Variants in AAK1 observed in about 807,000 individuals in gnomAD.
The protein encoded by AAK1 is AP2-associated protein kinase 1.
AAK1 carries 37 observed loss-of-function variants against 116.0 expected under a neutral mutation model. The observed-to-expected ratio is 0.32, with a 90% confidence interval of 0.25 to 0.42. The LOEUF (loss-of-function observed/expected upper bound fraction) is 0.42, where lower values mean the gene tolerates loss of function less well. AAK1 is among the 10% of genes least tolerant of loss of function. The pLI is 1.00. For synonymous variants in AAK1, 458 were observed against 439.9 expected (o/e 1.04, Z -0.51); for missense variants, 919 against 1,170.6 (o/e 0.79, Z 3.14).
rs773469113 is a variant in AAK1, at chr2:69,507,584, T to A, written c.2007-6A>T. 1.9e-6 allele frequency: 3 copies of A among 1,601,398 alleles called. No homozygotes were observed. The highest frequency in any genetic ancestry group is 2.6e-6 in the Non-Finnish European group (3 of 1,173,632). On this transcript the variant is annotated splice_region_variant and splice_polypyrimidine_tract_variant and intron_variant, in intron 14 of 21. Coordinates refer to ENST00000409085, the MANE Select transcript of AAK1 (RefSeq NM_014911.5). ...ATGGAGTGGTGGTTGCAGACCTAGG[T>A]AGGTTCCCACCCCCACGAAACAAAA... is the stretch of plus-strand genomic sequence containing the variant.
Position 69,467,761 on chromosome 2 carries a change from A to C in AAK1, c.*8108T>G. On this transcript the variant is annotated 3_prime_UTR_variant, in exon 22 of 22. Coordinates refer to ENST00000409085, the MANE Select transcript of AAK1 (RefSeq NM_014911.5). The stretch of plus-strand genomic sequence containing the variant: ...ATCCCCTGCTAAAGTTTCTGCATGA[A>C]TTAAGCACACAGACCACAGCAGAAG... 2 of 985,456 alleles carry C rather than the reference A, an allele frequency of 2.0e-6. No individual in the cohort carries two copies. The highest frequency in any genetic ancestry group is 2.4e-6 in the Non-Finnish European group (2 of 829,946). The allele number at this position is 985,456 out of a possible 1,614,324, so 61.0% of individuals were successfully genotyped here. A position where few individuals can be genotyped will look rare whatever the true frequency, so the allele number is the denominator to read the frequency against.
intron 4 of AAK1, among the ~76,000 whole-genome samples, chr2:69,543,271 A>C (rs528378375): frequency 1.3e-5 from 2 of 152,342 alleles, no homozygotes; most frequent in Admixed American, 6.5e-5. Flanking sequence ...CCAAAAAGGA[A>C]ATGAGCAGGA....
At chr2:69,517,237 C>A (rs1286048209) in intron 12 of AAK1, among the ~76,000 whole-genome samples, 1 of 152,080 alleles carries the variant, frequency 6.6e-6, no homozygotes, top group Non-Finnish European at 1.5e-5. Flanking sequence ...TTTTTCCTGC[C>A]TTTTCTGTAC....
At chr2:69,598,886 G>T in intron 2 of AAK1, 1 of 299,710 alleles carries the variant, frequency 3.3e-6, no homozygotes, top group Non-Finnish European at 6.7e-6. Flanking sequence ...TGCAGCCCAT[G>T]GCTTTTTTTA....
At chr2:69,585,184 A>C (rs1374616389) in intron 2 of AAK1, among the ~76,000 whole-genome samples, 2 of 152,236 alleles carry the variant, frequency 1.3e-5, no homozygotes, top group African/African-American at 4.8e-5. Context: ...AAAAGGAGAG[A>C]TCTATAATCT....
chr2:69,493,158 C>CAAA lies in AAK1; in HGVS notation c.2365+2824_2365+2826dup, dbSNP rs574490585. Among the ~76,000 whole-genome samples the CAAA allele has an allele frequency of 6.4e-3, 240 of 37,560 alleles. 31 individuals carry two copies. Among genetic ancestry groups the CAAA allele is most frequent in the African/African-American group, 9.8e-3 (131 of 13,410 alleles). 24.6% of individuals were successfully genotyped at this position (37,560 alleles called of 152,430 possible). A position where few individuals can be genotyped will look rare whatever the true frequency, so the allele number is the denominator to read the frequency against. On this transcript the variant is annotated intron_variant, in intron 17 of 21. Transcript: ENST00000409085. ...TGGGCGACAGAGCGAGACTCCGTCT[C>CAAA]AAAAAAAAAAAAAAAAAAAGGATGC...
chr2:69,618,746 C>G (rs943676559), intron 2 of AAK1, among the ~76,000 whole-genome samples: 1 of 152,194 alleles, frequency 6.6e-6, no homozygotes, highest in African/African-American at 2.4e-5. Flanking sequence ...TCCACTTATT[C>G]CTAAACTGCA....
chr2:69,544,058 G>A (rs185382536), intron 4 of AAK1, among the ~76,000 whole-genome samples: 5 of 152,200 alleles, frequency 3.3e-5, no homozygotes, highest in Non-Finnish European at 1.5e-5. Context: ...GAGTGGGAAA[G>A]AGAACACACA....
At chr2:69,500,684 T>TACAC (rs1437839275) in intron 16 of AAK1, among the ~76,000 whole-genome samples, 4 of 109,044 alleles carry the variant, frequency 3.7e-5, no homozygotes, top group Admixed American at 2.9e-4. Context: ...TATATATATA[T>TACAC]ATATATATAT....
intron 5 of AAK1, among the ~76,000 whole-genome samples, chr2:69,536,494 A>G (rs995920045): frequency 6.6e-6 from 1 of 152,198 alleles, no homozygotes; most frequent in Non-Finnish European, 1.5e-5. Context: ...TAGAAACCCA[A>G]CTAGACAGTC....
intron 17 of AAK1, among the ~76,000 whole-genome samples, chr2:69,492,880 A>T (rs2104924585): frequency 6.6e-6 from 1 of 152,036 alleles, no homozygotes; most frequent in Non-Finnish European, 1.5e-5. Context: ...TGTATGCAAA[A>T]CAAAGAAAAT....
In AAK1 at chr2:69,465,691, G is replaced by A. The variant is rs1674463592; in HGVS notation, c.*10178C>T. ...ATGGGGCCTGAGACAGCTTCTTTCT[G>A]GAGCTGAGGTCCTTTGTTTCTGTCA... On this transcript the variant is annotated 3_prime_UTR_variant, in exon 22 of 22. Transcript: ENST00000409085. The A allele has an allele frequency of 7.7e-7, 1 of 1,290,906 alleles. No homozygotes were observed. The highest frequency in any genetic ancestry group is 1.0e-6 in the Non-Finnish European group (1 of 988,872). 80.0% of individuals were successfully genotyped at this position (1,290,906 alleles called of 1,614,324 possible). A position where few individuals can be genotyped will look rare whatever the true frequency, so the allele number is the denominator to read the frequency against.
intron 17 of AAK1, among the ~76,000 whole-genome samples, chr2:69,492,516 T>C (rs1324847075): frequency 1.7e-4 from 18 of 107,864 alleles, no homozygotes; most frequent in African/African-American, 5.9e-4. Context: ...GCCTGGCCAA[T>C]TCTTTTTTTT....
At chr2:69,584,079 T>C (rs879279065) in intron 2 of AAK1, among the ~76,000 whole-genome samples, 1 of 152,216 alleles carries the variant, frequency 6.6e-6, no homozygotes, top group Non-Finnish European at 1.5e-5. Context: ...GAACATCTGC[T>C]TAGGAGCCCT....
At chr2:69,498,969 G>A (rs1427839675) in intron 16 of AAK1, among the ~76,000 whole-genome samples, 1 of 152,232 alleles carries the variant, frequency 6.6e-6, no homozygotes, top group East Asian at 1.9e-4. Flanking sequence ...TGTGGCAGAA[G>A]GGAATGGGGA....
intron 13 of AAK1, among the ~76,000 whole-genome samples, chr2:69,512,310 T>A (rs762833638): frequency 3.3e-5 from 5 of 152,238 alleles, no homozygotes; most frequent in Non-Finnish European, 7.3e-5. Context: ...ACAATCCTTA[T>A]CTTTTTGGTA....
In AAK1 at chr2:69,504,315, T is replaced by C. The variant is rs983112144; in HGVS notation, c.2269+1254A>G. Among the ~76,000 whole-genome samples the C allele has an allele frequency of 2.0e-5, 3 of 148,954 alleles. No homozygotes were observed. The South Asian group carries it at 6.3e-4, about 31-fold the overall frequency. On this transcript the variant is annotated intron_variant, in intron 16 of 21. Transcript: ENST00000409085. Reference sequence around the variant, plus strand: ...GAGAGGCTTGAGGCATGAGAATTGCTTGAACCTGGGAGGCAGAGTTTGCAG... The same window carrying C: ...GAGAGGCTTGAGGCATGAGAATTGCCTGAACCTGGGAGGCAGAGTTTGCAG...
chr2:69,635,877 AT>A (rs1355089275), intron 2 of AAK1, among the ~76,000 whole-genome samples: 1 of 152,258 alleles, frequency 6.6e-6, no homozygotes, highest in African/African-American at 2.4e-5. Flanking sequence ...ATGGTTGCAT[AT>A]TATGAATATA....
At chr2:69,594,794 G>A in intron 2 of AAK1, 1 of 1,228,108 alleles carries the variant, frequency 8.1e-7, no homozygotes, top group Non-Finnish European at 1.2e-6. Flanking sequence ...AGTTCAGAAT[G>A]CTTGCCTCTT....
Sources: allele counts gnomAD v4.1 joint callset (sites outside exome capture counted in the v4.1 genomes callset), GRCh38; gene constraint gnomAD v4.1.1; transcripts MANE v1.5; gene names NCBI Gene and HGNC (gene_info 2026-07-23, HGNC 2026-07-21).